Variants in SLC4A10 observed in about 807,000 individuals in gnomAD.
SLC4A10 encodes sodium-driven chloride bicarbonate exchanger.
Under a neutral mutation model 137.7 loss-of-function variants are expected in SLC4A10, and 42 were observed. The ratio of observed to expected loss-of-function variants is 0.30; its 90% confidence interval spans 0.24 to 0.39. The LOEUF (loss-of-function observed/expected upper bound fraction) is 0.39, where lower values mean the gene tolerates loss of function less well. SLC4A10 is among the 10% of genes least tolerant of loss of function. The pLI, the probability that SLC4A10 is intolerant of heterozygous loss-of-function variation, is 1.00. For missense variants in SLC4A10, 925 were observed against 1,355.0 expected (o/e 0.68, Z 4.98); for synonymous variants, 474 against 464.1 (o/e 1.02, Z -0.27).
chr2:161,926,927 C>T (rs1206249946), intron 15 of SLC4A10, among the ~76,000 whole-genome samples: 22 of 150,762 alleles, frequency 1.5e-4, no homozygotes, highest in Admixed American at 9.3e-4. Flanking sequence ...CTGAGAGATC[C>T]GCTGTTAGTC....
chr2:161,879,405 A>G (rs2061624507), intron 9 of SLC4A10, 117 bp downstream of exon 9: 1 of 1,062,438 alleles, frequency 9.4e-7, no homozygotes, highest in South Asian at 1.9e-5. Context: ...TGTGAAATCC[A>G]CAAAACTACT....
chr2:161,882,352 T>C lies in SLC4A10; in HGVS notation c.1107-5T>C. 1 of 1,541,660 alleles carries C rather than the reference T, an allele frequency of 6.5e-7. No individual in the cohort carries two copies. ...TTAAAACATTTTTTTTCTTCTTAATTACAGATTTTTGTTCATTCTTCTGGG... is the reference window on the plus strand; with the variant it reads ...TTAAAACATTTTTTTTCTTCTTAATCACAGATTTTTGTTCATTCTTCTGGG... On this transcript the variant is annotated splice_region_variant and splice_polypyrimidine_tract_variant and intron_variant, in intron 9 of 26. Transcript: ENST00000446997.
At chr2:161,904,291 G>A in intron 13 of SLC4A10, 113 bp downstream of exon 13, 1 of 1,154,910 alleles carries the variant, frequency 8.7e-7, no homozygotes, top group Non-Finnish European at 1.2e-6. Flanking sequence ...TTTGAGATAT[G>A]GTCTGGCAGA....
At chr2:161,902,945 A>G (rs1683452129) in intron 12 of SLC4A10, among the ~76,000 whole-genome samples, 2 of 152,196 alleles carry the variant, frequency 1.3e-5, no homozygotes, top group African/African-American at 4.8e-5. Flanking sequence ...ATATTGGAGC[A>G]TAATAAGATT....
chr2:161,730,725 C>T (rs1460346555), intron 1 of SLC4A10, among the ~76,000 whole-genome samples: 1 of 152,088 alleles, frequency 6.6e-6, no homozygotes, highest in Admixed American at 6.6e-5. Flanking sequence ...AGTGTAATTT[C>T]CCATTGGAAA....
chr2:161,668,681 A>G (rs1020799829), intron 1 of SLC4A10, among the ~76,000 whole-genome samples: 1 of 151,856 alleles, frequency 6.6e-6, no homozygotes, highest in South Asian at 2.1e-4. Flanking sequence ...CAATTCTCAT[A>G]TGTTGGAATA....
chr2:161,723,306 T>A (rs1332349985), intron 1 of SLC4A10, among the ~76,000 whole-genome samples: 6 of 152,180 alleles, frequency 3.9e-5, no homozygotes, highest in African/African-American at 1.4e-4. Context: ...TCCTTTGCTC[T>A]GTGTGGCTCA....
chr2:161,945,182 GTATATATATATATATATATATA>G (rs56159201), intron 16 of SLC4A10, among the ~76,000 whole-genome samples: 14,251 of 88,936 alleles, frequency 0.16, 1,528 homozygotes, highest in Admixed American at 0.3. Context: ...AAGTTTGTGT[GTATATATATATATATATATATA>G]TATATATATA....
chr2:161,879,720 C>T (rs1476078270), intron 9 of SLC4A10, among the ~76,000 whole-genome samples: 1 of 151,946 alleles, frequency 6.6e-6, no homozygotes, highest in Non-Finnish European at 1.5e-5. Context: ...ATAAGAAGGC[C>T]TTCAAAATGC....
intron 4 of SLC4A10, among the ~76,000 whole-genome samples, chr2:161,849,122 C>G (rs1331691203): frequency 6.6e-6 from 1 of 151,904 alleles, no homozygotes; most frequent in African/African-American, 2.4e-5. Flanking sequence ...CTTTTACGTC[C>G]CTGTTTAGTT....
chr2:161,963,395 A>G (rs528017349), intron 21 of SLC4A10, among the ~76,000 whole-genome samples: 8 of 152,282 alleles, frequency 5.3e-5, no homozygotes, highest in African/African-American at 1.9e-4. Flanking sequence ...CTGAAAATAT[A>G]TAAATGACGT....
chr2:161,965,226 T>A, intron 23 of SLC4A10, 53 bp downstream of exon 23: 1 of 1,523,064 alleles, frequency 6.6e-7, no homozygotes, highest in African/African-American at 1.4e-5. Context: ...CATAGTAATA[T>A]TTCTTTGCAA....
At chr2:161,981,612 G>T (rs1366789245) in intron 26 of SLC4A10, among the ~76,000 whole-genome samples, 3 of 152,186 alleles carry the variant, frequency 2.0e-5, no homozygotes, top group African/African-American at 7.2e-5. Context: ...TTAAGGAAAA[G>T]TTAATTTGGA....
At chr2:161,935,241 CT>C (rs1277791217) in intron 15 of SLC4A10, among the ~76,000 whole-genome samples, 3 of 152,116 alleles carry the variant, frequency 2.0e-5, no homozygotes, top group African/African-American at 7.2e-5. Context: ...TCACTGGCCT[CT>C]GTGTCTATTT....
At chr2:161,789,044 G>A (rs1444237358) in intron 2 of SLC4A10, among the ~76,000 whole-genome samples, 1 of 152,218 alleles carries the variant, frequency 6.6e-6, no homozygotes, top group Admixed American at 6.5e-5. Context: ...GGATCTTGTA[G>A]TGTGGCAACA....
At chr2:161,634,728 T>G (rs1417339187) in intron 1 of SLC4A10, among the ~76,000 whole-genome samples, 1 of 152,000 alleles carries the variant, frequency 6.6e-6, no homozygotes, top group Non-Finnish European at 1.5e-5. Flanking sequence ...AAAATCCTTC[T>G]TTTTAGCTAT....
At chr2:161,885,437 C>G (rs371095192) in intron 10 of SLC4A10, among the ~76,000 whole-genome samples, 1 of 152,262 alleles carries the variant, frequency 6.6e-6, no homozygotes, top group East Asian at 1.9e-4. Context: ...TTTCCCTTCT[C>G]TGTACTTGGA....
At chr2:161,923,554 C>T (rs1437475027) in intron 15 of SLC4A10, among the ~76,000 whole-genome samples, 1 of 152,058 alleles carries the variant, frequency 6.6e-6, no homozygotes. Context: ...AACCATCATT[C>T]TCAGCAAACT....
At chr2:161,700,105 T>C (rs2042970624) in intron 1 of SLC4A10, among the ~76,000 whole-genome samples, 1 of 152,090 alleles carries the variant, frequency 6.6e-6, no homozygotes, top group African/African-American at 2.4e-5. Flanking sequence ...TGAGTGATTA[T>C]TGGGAATGGT....
Sources: gnomAD v4.1 joint callset for allele counts (sites outside exome capture counted in the v4.1 genomes callset) on GRCh38, gnomAD v4.1.1 for gene constraint, MANE v1.5 for transcripts, NCBI Gene and HGNC (gene_info 2026-07-23, HGNC 2026-07-21) for gene names.